TGS1: variants seen among roughly 807,000 people sequenced by gnomAD.
TGS1 encodes trimethylguanosine synthase.
TGS1 carries 69 observed loss-of-function variants against 92.2 expected under a neutral mutation model. That is an observed-to-expected ratio of 0.75 (90% CI 0.62 to 0.91). The LOEUF is 0.91. TGS1 is among the 40% of genes least tolerant of loss of function. The pLI, the probability that TGS1 is intolerant of heterozygous loss-of-function variation, is 0.00. For missense variants in TGS1, 1,062 were observed against 1,001.2 expected, an observed-to-expected ratio of 1.06 and a Z score of -0.82; for synonymous variants, 345 against 338.1, an observed-to-expected ratio of 1.02 and a Z score of -0.22.
chr8:55,796,267 AAT>A, intron 7 of TGS1, 115 bp downstream of exon 7: 5 of 809,622 alleles, frequency 6.2e-6, no homozygotes, highest in Admixed American at 3.1e-5. Flanking sequence ...CAAGGTACAT[AAT>A]TTTTTTTTTT....
intron 5 of TGS1, among the ~76,000 whole-genome samples, chr8:55,791,974 A>G (rs1458514531): frequency 1.3e-5 from 2 of 152,188 alleles, no homozygotes; most frequent in Admixed American, 6.5e-5. Flanking sequence ...CACGTAAGAC[A>G]CTTGTACTCC....
chr8:55,821,848 C>A (rs7462022), intron 12 of TGS1, among the ~76,000 whole-genome samples: 1 of 151,622 alleles, frequency 6.6e-6, no homozygotes, highest in Non-Finnish European at 1.5e-5. Context: ...GCACTCCAGC[C>A]TAGGCAGCAG....
chr8:55,809,887 G>T (rs1477547762), intron 10 of TGS1, among the ~76,000 whole-genome samples: 1 of 151,916 alleles, frequency 6.6e-6, no homozygotes, highest in East Asian at 1.9e-4. Flanking sequence ...AGTATCATCA[G>T]CATATCTTTC....
At chr8:55,774,256 A>G (rs967361746) in intron 1 of TGS1, among the ~76,000 whole-genome samples, 8 of 152,228 alleles carry the variant, frequency 5.3e-5, no homozygotes, top group Admixed American at 5.2e-4. Flanking sequence ...AAAAATAGCT[A>G]GTATGCAGGA....
intron 1 of TGS1, among the ~76,000 whole-genome samples, chr8:55,776,933 G>T (rs980223427): frequency 1.3e-5 from 2 of 151,798 alleles, no homozygotes; most frequent in Non-Finnish European, 2.9e-5. Flanking sequence ...AAGTCCATTA[G>T]TTTTTTTGTT....
At chr8:55,780,793 T>A (rs1165384392) in intron 1 of TGS1, among the ~76,000 whole-genome samples, 2 of 152,224 alleles carry the variant, frequency 1.3e-5, no homozygotes, top group Non-Finnish European at 2.9e-5. Flanking sequence ...TATGTTAACA[T>A]GGAATCTAGA....
intron 11 of TGS1, among the ~76,000 whole-genome samples, chr8:55,812,486 A>G (rs1490062839): frequency 7.9e-6 from 1 of 126,026 alleles, no homozygotes; most frequent in Admixed American, 9.6e-5. Flanking sequence ...ACAGAGCAAG[A>G]CTCTGTCTCA....
At chr8:55,790,047 T>A (rs1026615768) in intron 4 of TGS1, 135 bp from the exon 5 acceptor site, 3 of 653,076 alleles carry the variant, frequency 4.6e-6, no homozygotes, top group Non-Finnish European at 8.2e-6. Context: ...AACAGGTAGA[T>A]GTGAGCTGGC....
At chr8:55,793,247 C>G (rs1192919316) in intron 6 of TGS1, among the ~76,000 whole-genome samples, 1 of 152,130 alleles carries the variant, frequency 6.6e-6, no homozygotes, top group Non-Finnish European at 1.5e-5. Flanking sequence ...TATTTTCTTC[C>G]AGTCGTTCTC....
At chr8:55,813,839 C>T (rs1336689276) in intron 12 of TGS1, among the ~76,000 whole-genome samples, 2 of 152,186 alleles carry the variant, frequency 1.3e-5, no homozygotes, top group African/African-American at 4.8e-5. Context: ...GGTTTTCCAA[C>T]TCAGGCATTT....
chr8:55,817,225 T>G (rs1803504962), intron 12 of TGS1, among the ~76,000 whole-genome samples: 1 of 152,200 alleles, frequency 6.6e-6, no homozygotes, highest in African/African-American at 2.4e-5. Flanking sequence ...TTTTGTTCTC[T>G]GATGTCTAGG....
rs1236645661 is a variant in TGS1 at position 55,812,531 on chromosome 8, G to C, written c.2361-509G>C. Among the ~76,000 whole-genome samples the C allele has an allele frequency of 3.4e-5, 5 of 145,882 alleles. No homozygotes were observed. The Admixed American group carries it at 3.5e-4, about 10-fold the overall frequency. ...AAAAAAAAAATTACAGTGTAAATTA[G>C]CTGGGCATGTGGTGGTACATGCCTG... is the stretch of plus-strand genomic sequence containing the variant. On this transcript the variant is annotated intron_variant, in intron 11 of 12. Transcript: ENST00000260129.
chr8:55,814,932 T>G (rs1803437679), intron 12 of TGS1, among the ~76,000 whole-genome samples: 1 of 151,854 alleles, frequency 6.6e-6, no homozygotes, highest in African/African-American at 2.4e-5. Flanking sequence ...TATATCTACT[T>G]CTCATATGAT....
chr8:55,820,949 G>A (rs1023047215), intron 12 of TGS1, among the ~76,000 whole-genome samples: 3 of 152,120 alleles, frequency 2.0e-5, no homozygotes, highest in Non-Finnish European at 1.5e-5. Context: ...GAAAAATAAG[G>A]ACAGCTAGAA....
At chr8:55,785,697 A>T (rs754493859) in intron 2 of TGS1, 22 bp from the exon 3 acceptor site, 1 of 1,493,740 alleles carries the variant, frequency 6.7e-7, no homozygotes. Flanking sequence ...CTTAAAACTA[A>T]GCTAATAAAT....
In TGS1 at chr8:55,785,750, T is replaced by A. The variant is rs894264801; in HGVS notation, c.198T>A (p.Gly66=). ...GDQATEEEEG[G]YSCGTAESHD... ...AGGCGACAGAAGAAGAGGAAGGTGG[T>A]TATTCCTGTGGTACTGCAGAATCAC... is the stretch of plus-strand genomic sequence containing the variant. The change falls in exon 3 of 13, where the codon GGT becomes GGA. Residue 66 remains glycine (G), a synonymous_variant. Transcript: ENST00000260129. The A allele has an allele frequency of 1.9e-6, 3 of 1,611,500 alleles. No individual in the cohort carries two copies. In the African/African-American group the frequency reaches 4.0e-5, roughly 22 times the overall value.
intron 9 of TGS1, 80 bp downstream of exon 9, chr8:55,802,686 A>T: frequency 7.4e-7 from 1 of 1,348,244 alleles, no homozygotes; most frequent in Non-Finnish European, 1.0e-6. Context: ...TAATACAGGG[A>T]ATGTTCATAT....
intron 8 of TGS1, among the ~76,000 whole-genome samples, chr8:55,800,589 G>T (rs914188317): frequency 6.6e-6 from 1 of 152,190 alleles, no homozygotes; most frequent in Non-Finnish European, 1.5e-5. Flanking sequence ...TTGTTAGAAT[G>T]ACATTTGGAA....
intron 4 of TGS1, 149 bp downstream of exon 4, chr8:55,787,209 T>C: frequency 1.7e-6 from 1 of 605,060 alleles, no homozygotes; most frequent in Non-Finnish European, 2.8e-6. Flanking sequence ...CCTGTTTTCA[T>C]ATCACAAGTT....
Sources: allele counts gnomAD v4.1 joint callset (sites outside exome capture counted in the v4.1 genomes callset), GRCh38; gene constraint gnomAD v4.1.1; transcripts MANE v1.5; gene names NCBI Gene and HGNC (gene_info 2026-07-23, HGNC 2026-07-21).